The following SH3PXD2A variants were observed in gnomAD, a reference collection of about 807,000 sequenced individuals.
SH3PXD2A encodes SH3 and PX domain-containing protein 2A.
In SH3PXD2A, 32 loss-of-function variants were observed where a neutral mutation model predicts 115.2. The observed-to-expected ratio is 0.28, with a 90% CI of 0.21 to 0.37. The LOEUF (loss-of-function observed/expected upper bound fraction) is 0.37. Among genes scored for constraint, SH3PXD2A ranks in the 10% least tolerant of loss-of-function variants. SH3PXD2A has a pLI of 1.00. For missense variants in SH3PXD2A, 1,328 were observed against 1,498.7 expected, an observed-to-expected ratio of 0.89 and a Z score of 1.88; for synonymous variants, 610 against 629.1, an observed-to-expected ratio of 0.97 and a Z score of 0.45.
intron 1 of SH3PXD2A, among the ~76,000 whole-genome samples, chr10:103,836,706 C>CACACA (rs1554928966): frequency 2.7e-5 from 4 of 149,672 alleles, no homozygotes; most frequent in African/African-American, 4.9e-5. Flanking sequence ...CACACACACA[C>CACACA]CCCTTCTTTT....
intron 1 of SH3PXD2A, among the ~76,000 whole-genome samples, chr10:103,830,942 G>A (rs928813132): frequency 6.6e-6 from 1 of 152,160 alleles, no homozygotes; most frequent in African/African-American, 2.4e-5. Context: ...GCAATAAATT[G>A]AAAAATAGGA....
chr10:103,794,593 A>G (rs2039068989), intron 2 of SH3PXD2A, among the ~76,000 whole-genome samples: 1 of 152,148 alleles, frequency 6.6e-6, no homozygotes, highest in Non-Finnish European at 1.5e-5. Flanking sequence ...AAGCAACTGA[A>G]AAGGGCATCT....
intron 13 of SH3PXD2A, chr10:103,609,470 C>T (rs1309113637): frequency 6.6e-6 from 1 of 152,204 alleles, no homozygotes; most frequent in East Asian, 1.9e-4. Context: ...ATTGGAGATC[C>T]TCAATGCTTT....
Position 103,825,660 on chromosome 10 carries a change from C to A in SH3PXD2A, c.73-24298G>T, listed in dbSNP as rs1022735. ...ACAGAGCATAGAGTCCTGTGGCATG[C>A]CCCTAGAGACTCTCCTTCCGGACAG... On this transcript the variant is annotated intron_variant, in intron 1 of 14. Coordinates refer to ENST00000369774, the MANE Select transcript of SH3PXD2A (RefSeq NM_001394015.1). 8.6e-3 allele frequency among the ~76,000 whole-genome samples: 1,307 copies of A among 152,232 alleles called. 23 individuals carry two copies. Among genetic ancestry groups the A allele is most frequent in the African/African-American group, 0.03 (1,230 of 41,524 alleles).
intron 1 of SH3PXD2A, among the ~76,000 whole-genome samples, chr10:103,833,131 T>C (rs2039498557): frequency 6.6e-6 from 1 of 152,232 alleles, no homozygotes; most frequent in South Asian, 2.1e-4. Context: ...CTCAAGGGTA[T>C]AGAATATTCT....
intron 5 of SH3PXD2A, among the ~76,000 whole-genome samples, chr10:103,723,171 T>G (rs532597074): frequency 2.0e-5 from 3 of 152,150 alleles, no homozygotes; most frequent in Non-Finnish European, 4.4e-5. Context: ...TCTCCCCACC[T>G]GGCCCAGAGG....
intron 2 of SH3PXD2A, among the ~76,000 whole-genome samples, chr10:103,767,803 CTGTTT>C (rs1415278747): frequency 1.5e-3 from 169 of 111,154 alleles, no homozygotes; most frequent in African/African-American, 6.4e-3. Flanking sequence ...GGAGGAACAA[CTGTTT>C]TGTTTTTTTT....
chr10:103,771,850 G>A (rs1043238957), intron 2 of SH3PXD2A, among the ~76,000 whole-genome samples: 1 of 151,808 alleles, frequency 6.6e-6, no homozygotes, highest in African/African-American at 2.4e-5. Context: ...TGCATCTGCA[G>A]CTCTTGGCAA....
chr10:103,853,498 C>T (rs1842914616), intron 1 of SH3PXD2A, among the ~76,000 whole-genome samples: 2 of 152,268 alleles, frequency 1.3e-5, no homozygotes, highest in South Asian at 4.1e-4. Context: ...AATAACTTGC[C>T]AAGGTGGCAC....
At position 103,600,084 on chromosome 10, in the gene SH3PXD2A, G is replaced by GTC. The variant is rs2036193470; in HGVS notation, c.*1731_*1732insGA. On this transcript the variant is annotated 3_prime_UTR_variant, in exon 15 of 15. Coordinates refer to ENST00000369774, the MANE Select transcript of SH3PXD2A (RefSeq NM_001394015.1). ...TGCCTGGGTGGGGAGCAGGGTGAGG[G>GTC]AGGGCCTTTCCTCCTCTATAGAAAA... 6.6e-6 allele frequency: 1 copy of GTC among 152,614 alleles called. No homozygotes were observed. Among genetic ancestry groups the GTC allele is most frequent in the South Asian group, 2.1e-4 (1 of 4,830 alleles). The allele number at this position is 152,614 out of a possible 1,614,324, so 9.5% of individuals were successfully genotyped here. A position where few individuals can be genotyped will look rare whatever the true frequency, so the allele number is the denominator to read the frequency against.
At chr10:103,660,910 G>C (rs1426519300) in intron 8 of SH3PXD2A, 73 bp downstream of exon 8, 49 of 1,504,136 alleles carry the variant, frequency 3.3e-5, no homozygotes, top group Non-Finnish European at 4.2e-5. Flanking sequence ...GGGGAGGAGG[G>C]AGGAACAAAA....
In SH3PXD2A at chr10:103,611,601, G is replaced by T. The variant is rs762031781; in HGVS notation, c.1288C>A (p.Pro430Thr). Reference sequence around the variant, plus strand: ...CATACCAGGCTGGATTCTCTGCGTGGTGGAGGTCTTGTCCGTAGGTTCGGG... The same window carrying T: ...CATACCAGGCTGGATTCTCTGCGTGTTGGAGGTCTTGTCCGTAGGTTCGGG... Reference protein sequence around the residue: ...SSPNLRTRPPPRRESSLGFQL... With the variant: ...SSPNLRTRPPTRRESSLGFQL... The change falls in exon 13 of 15, where the codon CCA (proline) becomes ACA (threonine). Residue 430 changes from proline to threonine, a missense_variant. By Grantham distance (38) the Pro-to-Thr change is conservative. Around this residue, in one of 5 missense-constraint regions of SH3PXD2A, gnomAD observed 509 missense variants for 628.3 expected, o/e 0.81. Coordinates refer to ENST00000369774, the MANE Select transcript of SH3PXD2A (RefSeq NM_001394015.1). The T allele has an allele frequency of 6.2e-7, 1 of 1,614,170 alleles. No homozygotes were observed. The highest frequency in any genetic ancestry group is 1.1e-5 in the South Asian group (1 of 91,080).
At chr10:103,786,240 A>T (rs905558360) in intron 2 of SH3PXD2A, among the ~76,000 whole-genome samples, 1 of 152,222 alleles carries the variant, frequency 6.6e-6, no homozygotes, top group Non-Finnish European at 1.5e-5. Context: ...TCAAAGTGGC[A>T]GCAGAGAGGA....
chr10:103,635,608 C>T (rs148683092), intron 8 of SH3PXD2A, among the ~76,000 whole-genome samples: 122 of 152,338 alleles, frequency 8.0e-4, no homozygotes, highest in African/African-American at 1.3e-3. Context: ...CAGGTACACA[C>T]GGTGTGTGGC....
Position 103,599,538 on chromosome 10 carries a change from TTAAA to T in SH3PXD2A, c.*2274_*2277del, listed in dbSNP as rs1564839867. ...AGTCACTCTACTTTTAAATTTTATT[TTAAA>T]TAGTCATAAATTACTTTTTTTCTCT... On this transcript the variant is annotated 3_prime_UTR_variant, in exon 15 of 15. Coordinates refer to ENST00000369774, the MANE Select transcript of SH3PXD2A (RefSeq NM_001394015.1). 1 of 152,606 alleles carries T rather than the reference TTAAA, an allele frequency of 6.6e-6. No individual in the cohort carries two copies. Among genetic ancestry groups the T allele is most frequent in the Non-Finnish European group, 1.5e-5 (1 of 68,050 alleles). The allele number at this position is 152,606 out of a possible 1,614,324, so 9.5% of individuals were successfully genotyped here. A position where few individuals can be genotyped will look rare whatever the true frequency, so the allele number is the denominator to read the frequency against.
intron 2 of SH3PXD2A, among the ~76,000 whole-genome samples, chr10:103,772,192 C>T (rs1321351628): frequency 1.3e-5 from 2 of 152,186 alleles, no homozygotes; most frequent in Admixed American, 6.5e-5. Context: ...GATCGGCGGG[C>T]GGTGAGAGAC....
intron 10 of SH3PXD2A, among the ~76,000 whole-genome samples, chr10:103,621,816 T>TG (rs1443747363): frequency 3.3e-5 from 5 of 152,220 alleles, no homozygotes; most frequent in Admixed American, 6.5e-5. Flanking sequence ...GTGCTGGGCC[T>TG]GGGGGGCTCC....
chr10:103,815,603 A>T (rs1014281726), intron 1 of SH3PXD2A, among the ~76,000 whole-genome samples: 5 of 151,974 alleles, frequency 3.3e-5, no homozygotes, highest in African/African-American at 4.8e-5. Context: ...AGAAAGAAAA[A>T]TACTGGGCCA....
In SH3PXD2A at chr10:103,596,504, A is replaced by G. The variant is rs1415827704; in HGVS notation, c.*5312T>C. On this transcript the variant is annotated 3_prime_UTR_variant, in exon 15 of 15. Coordinates refer to ENST00000369774, the MANE Select transcript of SH3PXD2A (RefSeq NM_001394015.1). Reference sequence around the variant, plus strand: ...TGTGAATGACACACTTGCTGCCAGAAGCTGTGAGTCCCTTGGGACCTGCCC... The same window carrying G: ...TGTGAATGACACACTTGCTGCCAGAGGCTGTGAGTCCCTTGGGACCTGCCC... 1 of 152,628 alleles carries G rather than the reference A, an allele frequency of 6.6e-6. No homozygotes were observed. The highest frequency in any genetic ancestry group is 2.4e-5 in the African/African-American group (1 of 41,444). The allele number at this position is 152,628 out of a possible 1,614,324, so 9.5% of individuals were successfully genotyped here.
Sources: gnomAD v4.1 joint callset for allele counts (sites outside exome capture counted in the v4.1 genomes callset) on GRCh38, gnomAD v4.1.1 for gene constraint, gnomAD v4.1.1 regional missense constraint, MANE v1.5 for transcripts, NCBI Gene and HGNC (gene_info 2026-07-23, HGNC 2026-07-21) for gene names.